Variants in TTC9B observed in about 807,000 individuals in gnomAD.
TTC9B encodes tetratricopeptide repeat protein 9B.
A neutral mutation model predicts 19.4 loss-of-function variants in TTC9B; 12 were observed. The observed-to-expected ratio is 0.62, with a 90% CI of 0.40 to 1.00. TTC9B has a LOEUF of 1.00. Ranked by LOEUF, TTC9B falls within the 50% of genes least tolerant of loss-of-function variation. The probability of loss-of-function intolerance (pLI) is 0.00; values close to 1 mark genes in which losing one functional copy is unlikely to be tolerated. For synonymous variants in TTC9B, 156 were observed against 158.6 expected (o/e 0.98, Z 0.12); for missense variants, 316 against 345.2 (o/e 0.92, Z 0.67).
In TTC9B at chr19:40,217,824, G is replaced by A. The variant is rs998361008; in HGVS notation, c.427+131C>T. ...ACCCCTAATCCCTTTCCTTGATCAA[G>A]CTCTGAAGGCTCCCCCAGAAGCCCA... On this transcript the variant is annotated intron_variant, in intron 1 of 2. Transcript: ENST00000311308. 12 of 813,814 alleles carry A rather than the reference G, an allele frequency of 1.5e-5. No homozygotes were observed. In the East Asian group the frequency reaches 2.6e-4, roughly 18 times the overall value. 50.4% of individuals were successfully genotyped at this position (813,814 alleles called of 1,614,324 possible).
rs1274869688 is a variant in TTC9B at position 40,218,025 on chromosome 19, C to T, written c.357G>A (p.Pro119=). 2 of 1,481,066 alleles carry T rather than the reference C, an allele frequency of 1.4e-6. No individual in the cohort carries two copies. The highest frequency in any genetic ancestry group is 3.0e-5 in the East Asian group (1 of 33,884). 91.7% of individuals were successfully genotyped at this position (1,481,066 alleles called of 1,614,324 possible). The change falls in exon 1 of 3, where the codon CCG becomes CCA. Residue 119 remains proline, a synonymous_variant. Coordinates refer to ENST00000311308, the MANE Select transcript of TTC9B (RefSeq NM_152479.6). The surrounding 1 kb of genome is among the most constrained non-coding windows in gnomAD (Gnocchi z 4.2). ...PAPGPTSSPG[P]ARLSEEQRRL... ...GCCGCTGCTCCTCGCTGAGGCGCGC[C>T]GGCCCGGGGCTGCTGGTGGGCCCGG...
At chr19:40,217,054 G>C in intron 2 of TTC9B, 133 bp downstream of exon 2, 2 of 1,016,496 alleles carry the variant, frequency 2.0e-6, no homozygotes, top group Non-Finnish European at 2.8e-6. Flanking sequence ...GGGTGGCGCA[G>C]CCCTACCTAG....
chr19:40,216,584 G>A (rs1973370852), intron 2 of TTC9B: 2 of 412,166 alleles, frequency 4.9e-6, no homozygotes, highest in African/African-American at 4.0e-5. Flanking sequence ...CACTTAACAG[G>A]AAAACTAATC....
At chr19:40,216,943 T>C in intron 2 of TTC9B, 1 of 583,090 alleles carries the variant, frequency 1.7e-6, no homozygotes. Context: ...AGATGAGAAA[T>C]GGCCGGGGAG....
Position 40,218,360 on chromosome 19 carries a change from G to T in TTC9B, c.22C>A (p.Pro8Thr). MQRGALS[P>T]VLMLSAAPEP... ...GGGGCAGCGCTGAGCATCAGCACCG[G>T]GGACAGCGCGCCGCGCTGCATTGTG... The change falls in exon 1 of 3, where the codon CCG becomes ACG. Residue 8 changes from proline (P) to threonine (T), a missense_variant. Physicochemically the swap from Pro to Thr is conservative, Grantham distance 38. Transcript: ENST00000311308. The surrounding 1 kb of genome is among the most constrained non-coding windows in gnomAD (Gnocchi z 4.2). The T allele has an allele frequency of 7.5e-7, 1 of 1,341,812 alleles. No individual in the cohort carries two copies. The highest frequency in any genetic ancestry group is 1.9e-5 in the South Asian group (1 of 52,086). 83.1% of individuals were successfully genotyped at this position (1,341,812 alleles called of 1,614,324 possible). A position where few individuals can be genotyped will look rare whatever the true frequency, so the allele number is the denominator to read the frequency against.
rs1326616342 is a variant in TTC9B, at chr19:40,217,273, T to C, written c.524A>G (p.Tyr175Cys). ...GTGGTAGAAGGCAATGCCGGCACGG[T>C]AGGTGGCCTTGAAGTTGCCCTGCTG... ...EKQQGNFKATYRAGIAFYHLG... is the reference protein window; with the variant it reads ...EKQQGNFKATCRAGIAFYHLG... Residue 175 changes from tyrosine (Y) to cysteine (C), a missense_variant, in exon 2 of 3, where the codon TAC becomes TGC. By Grantham distance (194) the Tyr-to-Cys change is radical. Transcript: ENST00000311308. The C allele has an allele frequency of 6.2e-7, 1 of 1,613,990 alleles. No homozygotes were observed.
chr19:40,217,594 C>T, intron 1 of TTC9B: 3 of 600,800 alleles, frequency 5.0e-6, no homozygotes, highest in Admixed American at 3.1e-5. Context: ...CCAGAGCTGT[C>T]GGTGGGCAAG....
chr19:40,217,397 C>T (rs751647030), intron 1 of TTC9B, 28 bp from the exon 2 acceptor site: 3 of 1,603,566 alleles, frequency 1.9e-6, no homozygotes, highest in Non-Finnish European at 2.6e-6. Context: ...CCGGCACTCT[C>T]AGAGCCTGCT....
At chr19:40,216,569 C>G (rs1465924670) in intron 2 of TTC9B, 1 of 438,624 alleles carries the variant, frequency 2.3e-6, no homozygotes, top group Non-Finnish European at 4.2e-6. Flanking sequence ...CTGTTCTCTC[C>G]GAGCCACTTA....
intron 2 of TTC9B, 122 bp downstream of exon 2, chr19:40,217,065 A>G: frequency 8.7e-7 from 1 of 1,150,538 alleles, no homozygotes; most frequent in Non-Finnish European, 1.2e-6. Context: ...CCCTACCTAG[A>G]AGCAGCTCCG....
chr19:40,218,016 G>A lies in TTC9B; in HGVS notation c.366C>T (p.Leu122=). 2 of 1,489,416 alleles carry A rather than the reference G, an allele frequency of 1.3e-6. No homozygotes were observed. Among genetic ancestry groups the A allele is most frequent in the Non-Finnish European group, 1.8e-6 (2 of 1,124,396 alleles). The allele number at this position is 1,489,416 out of a possible 1,614,324, so 92.3% of individuals were successfully genotyped here. ...CCACCAGGCGCCGCTGCTCCTCGCT[G>A]AGGCGCGCCGGCCCGGGGCTGCTGG... ...GPTSSPGPAR[L]SEEQRRLVES... The change falls in exon 1 of 3, where the codon CTC becomes CTT. Residue 122 remains leucine (L), a synonymous_variant. Coordinates refer to ENST00000311308, the MANE Select transcript of TTC9B (RefSeq NM_152479.6). The surrounding 1 kb of genome is among the most constrained non-coding windows in gnomAD (Gnocchi z 4.2).
chr19:40,216,915 A>C, intron 2 of TTC9B: 2 of 572,978 alleles, frequency 3.5e-6, no homozygotes, highest in Non-Finnish European at 6.3e-6. Flanking sequence ...AGGAGATATC[A>C]GATGTGGCAA....
At chr19:40,217,745 A>G in intron 1 of TTC9B, 1 of 542,956 alleles carries the variant, frequency 1.8e-6, no homozygotes, top group Non-Finnish European at 3.1e-6. Flanking sequence ...ACCCGACCCA[A>G]AGACCATTTC....
chr19:40,217,934 C>A (rs1485132662), intron 1 of TTC9B, 21 bp downstream of exon 1: 1 of 1,457,736 alleles, frequency 6.9e-7, no homozygotes, highest in South Asian at 1.3e-5. Context: ...TGCCCCATCC[C>A]CCCACCCCCC....
rs1271499271 is a variant in TTC9B at position 40,218,144 on chromosome 19, T to A, written c.238A>T (p.Lys80Ter). 5 of 1,573,616 alleles carry A rather than the reference T, an allele frequency of 3.2e-6. No homozygotes were observed. Among genetic ancestry groups the A allele is most frequent in the East Asian group, 2.6e-5 (1 of 39,050 alleles). ...TACTTGCCGATGGCCTCCCGGAACT[T>A]CTTCTCTCGATAGCAGCGCTGGCCC... The part of the protein sequence containing the change: ...AEGQRCYREK[K>*]FREAIGKYHR... The change falls in exon 1 of 3, where the codon AAG (lysine) becomes TAG (stop). Residue 80 changes from lysine (K) to a stop codon, truncating the protein, a stop_gained. Transcript: ENST00000311308. LOFTEE classifies it high-confidence loss of function. The surrounding 1 kb of genome is among the most constrained non-coding windows in gnomAD (Gnocchi z 4.2).
chr19:40,217,544 G>A, intron 1 of TTC9B, 175 bp from the exon 2 acceptor site: 10 of 837,812 alleles, frequency 1.2e-5, no homozygotes, highest in Non-Finnish European at 1.8e-5. Context: ...CCGCTGCTAG[G>A]GGGCGCCAAA....
Position 40,218,357 on chromosome 19 carries a change from C to T in TTC9B, c.25G>A (p.Val9Met), listed in dbSNP as rs1388376205. Reference protein sequence around the residue: MQRGALSPVLMLSAAPEPP... With the variant: MQRGALSPMLMLSAAPEPP... ...TCCGGGGCAGCGCTGAGCATCAGCA[C>T]CGGGGACAGCGCGCCGCGCTGCATT... Residue 9 changes from valine (V) to methionine (M), a missense_variant, in exon 1 of 3, where the codon GTG becomes ATG. Transcript: ENST00000311308. The surrounding 1 kb of genome is among the most constrained non-coding windows in gnomAD (Gnocchi z 4.2). 3.7e-6 allele frequency: 5 copies of T among 1,342,318 alleles called. No individual in the cohort carries two copies. The highest frequency in any genetic ancestry group is 8.3e-5 in the Admixed American group (2 of 24,112). 83.2% of individuals were successfully genotyped at this position (1,342,318 alleles called of 1,614,324 possible).
chr19:40,217,434 G>A, intron 1 of TTC9B, 65 bp from the exon 2 acceptor site: 4 of 1,549,062 alleles, frequency 2.6e-6, no homozygotes, highest in Non-Finnish European at 8.7e-7. Context: ...ACCTGACTGC[G>A]AGGAGCCGAG....
chr19:40,216,313 G>A (rs1300525254), intron 2 of TTC9B, 41 bp from the exon 3 acceptor site: 1 of 1,536,182 alleles, frequency 6.5e-7, no homozygotes, highest in Middle Eastern at 2.0e-4. Flanking sequence ...GGTGTCCCGG[G>A]GCAGCAGGTG....
Sources: gnomAD v4.1 joint callset for allele counts on GRCh38, gnomAD v4.1.1 for gene constraint, Gnocchi (gnomAD v3.1) non-coding constraint, MANE v1.5 for transcripts, NCBI Gene and HGNC (gene_info 2026-07-23, HGNC 2026-07-21) for gene names.